ARL15: variants seen among roughly 807,000 people sequenced by gnomAD.
ARL15 encodes ADP-ribosylation factor-like protein 15.
A neutral mutation model predicts 25.2 loss-of-function variants in ARL15; 19 were observed. The ratio of observed to expected loss-of-function variants is 0.75; its 90% CI spans 0.53 to 1.10. The LOEUF is 1.10. Ranked by LOEUF, ARL15 falls within the 50% of genes least tolerant of loss-of-function variation. The probability of loss-of-function intolerance (pLI) is 0.00; values close to 1 mark genes in which losing one functional copy is unlikely to be tolerated. For synonymous variants in ARL15, 94 were observed against 86.8 expected, an observed-to-expected ratio of 1.08 and a Z score of -0.46; for missense variants, 220 against 246.0, an observed-to-expected ratio of 0.89 and a Z score of 0.71.
In ARL15 at chr5:54,185,147, A is replaced by T. The variant is rs535372211; in HGVS notation, c.49-13219T>A. 3.3e-5 allele frequency among the ~76,000 whole-genome samples: 5 copies of T among 152,188 alleles called. No individual in the cohort carries two copies. The East Asian group carries it at 9.7e-4, about 29-fold the overall frequency. On this transcript the variant is annotated intron_variant, in intron 1 of 4. Transcript: ENST00000504924. ...CAAAACTTAATTGATAATAATATTA[A>T]TTATTATTTTTCCCACCAAATACAT...
At chr5:54,070,927 G>C (rs1429157215) in intron 4 of ARL15, among the ~76,000 whole-genome samples, 1 of 152,036 alleles carries the variant, frequency 6.6e-6, no homozygotes, top group Non-Finnish European at 1.5e-5. Context: ...CCAGCGCTTT[G>C]GGAGGCCAAA....
chr5:54,147,126 T>A (rs1753934522), intron 3 of ARL15, among the ~76,000 whole-genome samples: 1 of 152,170 alleles, frequency 6.6e-6, no homozygotes, highest in Non-Finnish European at 1.5e-5. Context: ...TTTCCCCTAG[T>A]ATAGGCTAAG....
intron 1 of ARL15, among the ~76,000 whole-genome samples, chr5:54,237,991 A>C (rs1417098348): frequency 6.6e-6 from 1 of 152,222 alleles, no homozygotes; most frequent in East Asian, 1.9e-4. Context: ...AATCCACAAG[A>C]GTACCAGAGG....
chr5:54,162,201 A>G (rs928363413), intron 2 of ARL15, among the ~76,000 whole-genome samples: 4 of 152,040 alleles, frequency 2.6e-5, no homozygotes, highest in Non-Finnish European at 4.4e-5. Context: ...CTTCTCTACC[A>G]TCAGTAACTT....
intron 4 of ARL15, among the ~76,000 whole-genome samples, chr5:54,013,081 T>G (rs1749299440): frequency 6.6e-6 from 1 of 152,220 alleles, no homozygotes; most frequent in Non-Finnish European, 1.5e-5. Context: ...ATTACAGGTG[T>G]GAGCCACCAC....
chr5:54,208,278 G>A (rs962266568), intron 1 of ARL15, among the ~76,000 whole-genome samples: 1 of 152,076 alleles, frequency 6.6e-6, no homozygotes, highest in Non-Finnish European at 1.5e-5. Flanking sequence ...GACAAGAACT[G>A]CCAGGCGTCT....
chr5:54,104,686 C>A (rs1410718890), intron 4 of ARL15, among the ~76,000 whole-genome samples: 2 of 152,138 alleles, frequency 1.3e-5, no homozygotes, highest in Non-Finnish European at 2.9e-5. Flanking sequence ...TCAAGCTCCA[C>A]ACAACTCAGA....
intron 1 of ARL15, among the ~76,000 whole-genome samples, chr5:54,270,448 T>A (rs1757755738): frequency 6.6e-6 from 1 of 152,244 alleles, no homozygotes; most frequent in Admixed American, 6.5e-5. Context: ...CTCCTATCAC[T>A]GCTACCTACC....
chr5:54,218,236 C>T (rs1024828456), intron 1 of ARL15, among the ~76,000 whole-genome samples: 2 of 152,100 alleles, frequency 1.3e-5, no homozygotes, highest in African/African-American at 4.8e-5. Flanking sequence ...TATTTTCTCT[C>T]TTTCTATTCA....
At chr5:54,152,921 C>T (rs1754111801) in intron 3 of ARL15, among the ~76,000 whole-genome samples, 1 of 152,206 alleles carries the variant, frequency 6.6e-6, no homozygotes, top group Non-Finnish European at 1.5e-5. Flanking sequence ...GCCAACCTTA[C>T]GAATTCCTTG....
intron 4 of ARL15, among the ~76,000 whole-genome samples, chr5:54,093,011 C>T (rs1275287015): frequency 3.9e-5 from 6 of 152,156 alleles, no homozygotes; most frequent in African/African-American, 1.4e-4. Flanking sequence ...TCCATAGTTA[C>T]ATCCCATACA....
At chr5:54,113,090 T>G in intron 4 of ARL15, 112 bp downstream of exon 4, 1 of 1,062,452 alleles carries the variant, frequency 9.4e-7, no homozygotes, top group Non-Finnish European at 1.3e-6. Flanking sequence ...GGTTTCATGT[T>G]GAAAGCAGCA....
intron 4 of ARL15, among the ~76,000 whole-genome samples, chr5:54,112,792 T>C (rs1257920759): frequency 2.0e-5 from 3 of 152,168 alleles, no homozygotes; most frequent in African/African-American, 7.2e-5. Flanking sequence ...TAGTCAACAT[T>C]GAACACTTCA....
At chr5:54,261,737 T>C (rs1361426512) in intron 1 of ARL15, among the ~76,000 whole-genome samples, 1 of 152,002 alleles carries the variant, frequency 6.6e-6, no homozygotes, top group Non-Finnish European at 1.5e-5. Flanking sequence ...TATGGGGTAC[T>C]GAACCAGATC....
rs547555170 is a variant in ARL15, at chr5:54,038,675, TTATAAA to T, written c.462+74521_462+74526del. Reference sequence around the variant, plus strand: ...GTAAGATTAAGTGATAAACTAACACTTATAAATATAATTTTTAGCTTAATAAAACAG... The same window carrying T: ...GTAAGATTAAGTGATAAACTAACACTTATAATTTTTAGCTTAATAAAACAG... On this transcript the variant is annotated intron_variant, in intron 4 of 4. Transcript: ENST00000504924. 8.2e-3 allele frequency among the ~76,000 whole-genome samples: 1,255 copies of T among 152,194 alleles called. 21 individuals are homozygous for T. Among genetic ancestry groups the T allele is most frequent in the African/African-American group, 0.029 (1,200 of 41,524 alleles).
intron 4 of ARL15, among the ~76,000 whole-genome samples, chr5:54,110,736 T>C (rs1186035700): frequency 6.6e-6 from 1 of 152,050 alleles, no homozygotes; most frequent in East Asian, 1.9e-4. Flanking sequence ...ACATTTCTAG[T>C]AACACATGAC....
rs1049533585 is a variant in ARL15, at chr5:53,887,609, G to A, written c.463-896C>T. ...AAAACACAAAGTTCAGGAAGCTCCC[G>A]ACTCATACACACTGTATCATACAAA... On this transcript the variant is annotated intron_variant, in intron 4 of 4. Transcript: ENST00000504924. 3.9e-5 allele frequency among the ~76,000 whole-genome samples: 6 copies of A among 152,118 alleles called. No individual in the cohort carries two copies. In the South Asian group the frequency reaches 6.2e-4, roughly 16 times the overall value.
Position 54,310,571 on chromosome 5 carries a change from A to G in ARL15, c.-92T>C, listed in dbSNP as rs1758872857. 7.1e-7 allele frequency: 1 copy of G among 1,416,422 alleles called. No homozygotes were observed. The highest frequency in any genetic ancestry group is 2.3e-5 in the Admixed American group (1 of 44,316). The allele number at this position is 1,416,422 out of a possible 1,614,324, so 87.7% of individuals were successfully genotyped here. On this transcript the variant is annotated 5_prime_UTR_variant, in exon 1 of 5. Transcript: ENST00000504924. ...GCGAGCAGCTCCTGAAAAAGCCAGC[A>G]ACAGCGAAAATAGCCGAAAGCAGCC... is the stretch of plus-strand genomic sequence containing the variant.
intron 1 of ARL15, among the ~76,000 whole-genome samples, chr5:54,178,808 ACAGT>A (rs1754963593): frequency 1.3e-5 from 2 of 152,222 alleles, no homozygotes; most frequent in Non-Finnish European, 2.9e-5. Context: ...CAGGTCTGTA[ACAGT>A]CAGTTATGGC....
Sources: allele counts gnomAD v4.1 joint callset (sites outside exome capture counted in the v4.1 genomes callset), GRCh38; gene constraint gnomAD v4.1.1; transcripts MANE v1.5; gene names NCBI Gene and HGNC (gene_info 2026-07-23, HGNC 2026-07-21).